Variants in PAX7 observed in about 807,000 individuals in gnomAD.
The protein encoded by PAX7 is paired box protein Pax-7.
PAX7 carries 18 observed loss-of-function variants against 50.7 expected under a neutral mutation model. The ratio of observed to expected loss-of-function variants is 0.36; its 90% CI spans 0.25 to 0.53. PAX7 has a LOEUF of 0.53. PAX7 is among the 20% of genes least tolerant of loss of function. The pLI, the probability that PAX7 is intolerant of heterozygous loss-of-function variation, is 0.93. For synonymous variants in PAX7, 310 were observed against 290.4 expected, an observed-to-expected ratio of 1.07 and a Z score of -0.69; for missense variants, 644 against 702.9, an observed-to-expected ratio of 0.92 and a Z score of 0.95.
At chr1:18,730,149 T>C (rs1327809759) in intron 7 of PAX7, among the ~76,000 whole-genome samples, 1 of 152,158 alleles carries the variant, frequency 6.6e-6, no homozygotes, top group Admixed American at 6.5e-5. Context: ...CCAGTGTACA[T>C]TTACTCACTT....
chr1:18,713,877 G>A (rs116573772), intron 7 of PAX7, among the ~76,000 whole-genome samples: 4,031 of 152,252 alleles, frequency 0.026, 77 homozygotes, highest in Non-Finnish European at 0.039. Flanking sequence ...TAGGCACATC[G>A]TGGACACAGT....
In PAX7 at chr1:18,700,713, G is replaced by T; in HGVS notation, c.847G>T (p.Ala283Ser). The T allele has an allele frequency of 1.2e-6, 2 of 1,602,116 alleles. No individual in the cohort carries two copies. The highest frequency in any genetic ancestry group is 1.7e-6 in the Non-Finnish European group (2 of 1,175,072). Residue 283 changes from alanine to serine, a missense_variant, in exon 6 of 9, where the codon GCG becomes TCG. Coordinates refer to ENST00000420770, the MANE Select transcript of PAX7 (RefSeq NM_001135254.2). The surrounding 1 kb of genome is among the most constrained non-coding windows in gnomAD (Gnocchi z 4.8). The part of the protein sequence containing the change: ...RKQAGANQLA[A>S]FNHLLPGGFP... Reference sequence around the variant, plus strand: ...GCAGGCAGGAGCCAACCAGCTGGCGGCGTTCAACCACCTTCTGCCAGGAGG... The same window carrying T: ...GCAGGCAGGAGCCAACCAGCTGGCGTCGTTCAACCACCTTCTGCCAGGAGG...
intron 4 of PAX7, among the ~76,000 whole-genome samples, chr1:18,673,221 C>T (rs1359704965): frequency 1.3e-5 from 2 of 152,196 alleles, no homozygotes; most frequent in African/African-American, 2.4e-5. Context: ...TTGATGCCTA[C>T]CATCTCTGAG....
chr1:18,700,650 C>A lies in PAX7; in HGVS notation c.787-3C>A. On this transcript the variant is annotated splice_polypyrimidine_tract_variant and splice_region_variant and intron_variant, in intron 5 of 8. Transcript: ENST00000420770. This position sits in a 1 kb window ranked among gnomAD's most constrained non-coding sequence, Gnocchi z 4.8. ...TCTCCATTCTCTGCTCTCCACCTCC[C>A]AGGTCTGGTTCAGTAACCGCCGCGC... 6.5e-7 allele frequency: 1 copy of A among 1,543,660 alleles called. No individual in the cohort carries two copies. Among genetic ancestry groups the A allele is most frequent in the Non-Finnish European group, 8.7e-7 (1 of 1,145,526 alleles).
In PAX7 at chr1:18,729,483, C is replaced by T. The variant is rs569186353; in HGVS notation, c.1156-6149C>T. ...GGGTGTATTTACATGCAAGTGTGTG[C>T]ATGTGTAAGTGTATTGGATGAGTTT... is the stretch of plus-strand genomic sequence containing the variant. On this transcript the variant is annotated intron_variant, in intron 7 of 8. Transcript: ENST00000420770. Among the ~76,000 whole-genome samples, 182 of 152,298 alleles carry T rather than the reference C, an allele frequency of 1.2e-3. 2 individuals carry two copies. In the Middle Eastern group the frequency reaches 0.02, roughly 17 times the overall value.
chr1:18,671,576 T>C (rs1182537098), intron 4 of PAX7, among the ~76,000 whole-genome samples: 1 of 151,806 alleles, frequency 6.6e-6, no homozygotes, highest in East Asian at 1.9e-4. Context: ...GAGAGACATA[T>C]TCCCTCCCAG....
chr1:18,735,835 C>T lies in PAX7; in HGVS notation c.1359C>T (p.Ser453=), dbSNP rs139182167. The T allele has an allele frequency of 2.2e-4, 361 of 1,614,034 alleles. No homozygotes were observed. The highest frequency in any genetic ancestry group is 2.9e-4 in the Non-Finnish European group (339 of 1,180,050). ...CPPTYSTTGY[S]VDPVAGYQYG... ...CCACCTACAGCACCACCGGCTACAGCGTGGACCCCGTGGCCGGCTATCAGT... is the reference window on the plus strand; with the variant it reads ...CCACCTACAGCACCACCGGCTACAGTGTGGACCCCGTGGCCGGCTATCAGT... The change falls in exon 8 of 9, where the codon AGC becomes AGT. Residue 453 remains serine, a synonymous_variant. Transcript: ENST00000420770. This position sits in a 1 kb window ranked among gnomAD's most constrained non-coding sequence, Gnocchi z 4.0.
At chr1:18,703,905 G>A (rs926612925) in intron 7 of PAX7, among the ~76,000 whole-genome samples, 1 of 152,204 alleles carries the variant, frequency 6.6e-6, no homozygotes, top group Non-Finnish European at 1.5e-5. Context: ...GAAGCCTGTG[G>A]AATGGGTCTA....
intron 4 of PAX7, among the ~76,000 whole-genome samples, chr1:18,658,316 G>A (rs924378529): frequency 1.3e-5 from 2 of 151,876 alleles, no homozygotes; most frequent in African/African-American, 4.8e-5. Context: ...GTCTTCGAGG[G>A]ACCCCAGGGT....
intron 4 of PAX7, among the ~76,000 whole-genome samples, chr1:18,682,203 T>TGG (rs1268890085): frequency 6.6e-6 from 1 of 152,168 alleles, no homozygotes; most frequent in East Asian, 1.9e-4. Context: ...ATTGAACCTG[T>TGG]GGGGGTCTCT....
chr1:18,667,488 G>T (rs899545583), intron 4 of PAX7, among the ~76,000 whole-genome samples: 4 of 152,038 alleles, frequency 2.6e-5, no homozygotes, highest in African/African-American at 7.2e-5. Flanking sequence ...CAGCAGCCCG[G>T]TAAAAGCGGA....
chr1:18,699,760 A>T (rs1177870381), intron 5 of PAX7, among the ~76,000 whole-genome samples: 1 of 151,844 alleles, frequency 6.6e-6, no homozygotes, highest in African/African-American at 2.4e-5. Flanking sequence ...ACAGGGTTTC[A>T]CCTTATTAGC....
chr1:18,678,091 A>G (rs1305515448), intron 4 of PAX7, among the ~76,000 whole-genome samples: 4 of 149,888 alleles, frequency 2.7e-5, no homozygotes, highest in African/African-American at 5.0e-5. Context: ...GAAAAAAAAA[A>G]AAAAAGAAAA....
At chr1:18,730,086 AG>A (rs1255861297) in intron 7 of PAX7, among the ~76,000 whole-genome samples, 3 of 152,026 alleles carry the variant, frequency 2.0e-5, no homozygotes, top group African/African-American at 7.3e-5. Flanking sequence ...AAGGAAGGGG[AG>A]GGGGACAGCT....
chr1:18,693,995 T>C (rs1193559672), intron 5 of PAX7, among the ~76,000 whole-genome samples: 2 of 152,210 alleles, frequency 1.3e-5, no homozygotes, highest in Non-Finnish European at 2.9e-5. Context: ...GCCCGCCTCC[T>C]GCGTCTTATT....
intron 7 of PAX7, among the ~76,000 whole-genome samples, chr1:18,732,926 T>TAGTCTCCCAGC (rs2089664010): frequency 6.6e-6 from 1 of 152,114 alleles, no homozygotes; most frequent in Admixed American, 6.5e-5. Flanking sequence ...ACCCTCCCAG[T>TAGTCTCCCAGC]AGTCTCCCAG....
chr1:18,728,697 T>TAA (rs552854863), intron 7 of PAX7, among the ~76,000 whole-genome samples: 8,724 of 131,610 alleles, frequency 0.066, 334 homozygotes, highest in South Asian at 0.14. Context: ...CCCATTCTAC[T>TAA]AAAAAAAAAA....
At chr1:18,653,237 G>A (rs1317680889) in intron 4 of PAX7, among the ~76,000 whole-genome samples, 1 of 150,392 alleles carries the variant, frequency 6.6e-6, no homozygotes, top group Non-Finnish European at 1.5e-5. Flanking sequence ...TTCCTGGCCC[G>A]CATTTTGATT....
chr1:18,717,146 GTC>G (rs998805861), intron 7 of PAX7, among the ~76,000 whole-genome samples: 34 of 152,284 alleles, frequency 2.2e-4, no homozygotes, highest in South Asian at 1.0e-3. Flanking sequence ...CCCAACAACT[GTC>G]TCCCCGAGAT....
Sources: gnomAD v4.1 joint callset for allele counts (sites outside exome capture counted in the v4.1 genomes callset) on GRCh38, gnomAD v4.1.1 for gene constraint, Gnocchi (gnomAD v3.1) non-coding constraint, MANE v1.5 for transcripts, NCBI Gene and HGNC (gene_info 2026-07-23, HGNC 2026-07-21) for gene names.